XYLT1: variants seen among roughly 807,000 people sequenced by gnomAD.
XYLT1 encodes the protein xylosyltransferase 1.
Under a neutral mutation model 91.3 loss-of-function variants are expected in XYLT1, and 36 were observed. The observed-to-expected ratio is 0.39, with a 90% CI of 0.30 to 0.52. The LOEUF is 0.52. Ranked by LOEUF, XYLT1 falls within the 20% of genes least tolerant of loss-of-function variation. The pLI, the probability that XYLT1 is intolerant of heterozygous loss-of-function variation, is 0.68. For synonymous variants in XYLT1, 588 were observed against 532.0 expected (o/e 1.11, Z -1.45); for missense variants, 1,242 against 1,284.5 (o/e 0.97, Z 0.51).
At chr16:17,461,081 C>T (rs778721003) in intron 1 of XYLT1, among the ~76,000 whole-genome samples, 5 of 152,220 alleles carry the variant, frequency 3.3e-5, no homozygotes, top group African/African-American at 7.2e-5. Flanking sequence ...CAACATCACA[C>T]GACCTGCCTC....
At chr16:17,169,456 C>T (rs1483675469) in intron 5 of XYLT1, among the ~76,000 whole-genome samples, 2 of 152,178 alleles carry the variant, frequency 1.3e-5, no homozygotes, top group Admixed American at 6.5e-5. Context: ...GTAAGAAACA[C>T]ATTTTTCATT....
At chr16:17,395,289 C>T (rs1339154533) in intron 1 of XYLT1, among the ~76,000 whole-genome samples, 2 of 152,098 alleles carry the variant, frequency 1.3e-5, no homozygotes, top group Admixed American at 1.3e-4. Context: ...GATTACAATT[C>T]GAGATGAGAG....
intron 10 of XYLT1, among the ~76,000 whole-genome samples, chr16:17,124,803 TTTTG>T (rs1159433359): frequency 2.0e-5 from 3 of 152,066 alleles, no homozygotes; most frequent in Non-Finnish European, 2.9e-5. Flanking sequence ...AAAAATTCTT[TTTTG>T]TGTTTGTTGG....
intron 11 of XYLT1, among the ~76,000 whole-genome samples, chr16:17,112,213 C>T (rs1286150148): frequency 6.6e-6 from 1 of 152,226 alleles, no homozygotes; most frequent in Non-Finnish European, 1.5e-5. Flanking sequence ...AAATTTTCCT[C>T]AATTCCACCT....
intron 3 of XYLT1, among the ~76,000 whole-genome samples, chr16:17,213,427 C>A (rs1228097798): frequency 6.6e-6 from 1 of 152,156 alleles, no homozygotes; most frequent in East Asian, 1.9e-4. Flanking sequence ...CTCATTTACT[C>A]CTCACAGCAG....
intron 5 of XYLT1, among the ~76,000 whole-genome samples, chr16:17,179,847 A>C (rs2032027118): frequency 6.6e-6 from 1 of 152,252 alleles, no homozygotes; most frequent in South Asian, 2.1e-4. Context: ...CTATGTGTTA[A>C]TATAGATAAA....
intron 1 of XYLT1, among the ~76,000 whole-genome samples, chr16:17,467,416 T>G (rs140461860): frequency 3.0e-4 from 46 of 152,310 alleles, no homozygotes; most frequent in African/African-American, 1.0e-3. Context: ...GTCCATCTGT[T>G]TCTTAAATTC....
At chr16:17,463,908 T>G (rs900305067) in intron 1 of XYLT1, among the ~76,000 whole-genome samples, 2 of 152,214 alleles carry the variant, frequency 1.3e-5, no homozygotes, top group Non-Finnish European at 2.9e-5. Context: ...AGCCAGCTGT[T>G]AAAAAGTGAA....
rs1026975011 is a variant in XYLT1, at chr16:17,347,417, G to T, written c.402+10595C>A. On this transcript the variant is annotated intron_variant, in intron 2 of 11. Transcript: ENST00000261381. ...TGAATGAATGAGAATACTCCAAGCTGACCCTGCCTGGGGCATCTCTTCTCA... is the reference window on the plus strand; with the variant it reads ...TGAATGAATGAGAATACTCCAAGCTTACCCTGCCTGGGGCATCTCTTCTCA... Among the ~76,000 whole-genome samples the T allele has an allele frequency of 1.1e-4, 17 of 152,302 alleles. No homozygotes were observed. The East Asian group carries it at 3.3e-3, about 29-fold the overall frequency.
intron 1 of XYLT1, among the ~76,000 whole-genome samples, chr16:17,398,894 G>T (rs1324157440): frequency 7.1e-6 from 1 of 140,182 alleles, no homozygotes; most frequent in Non-Finnish European, 1.5e-5. Flanking sequence ...ACCCAGGCTG[G>T]AGTGCAGTGG....
chr16:17,109,346 AT>A (rs1966822719), intron 11 of XYLT1, among the ~76,000 whole-genome samples: 2 of 152,166 alleles, frequency 1.3e-5, no homozygotes. Context: ...GTCAACACAT[AT>A]TTACTAAACA....
intron 2 of XYLT1, among the ~76,000 whole-genome samples, chr16:17,263,399 G>A (rs1222055208): frequency 2.7e-4 from 41 of 152,090 alleles, no homozygotes. Context: ...ATTAATACCC[G>A]CTCTCTACTC....
At chr16:17,251,911 G>A (rs926563713) in intron 3 of XYLT1, among the ~76,000 whole-genome samples, 1 of 152,080 alleles carries the variant, frequency 6.6e-6, no homozygotes, top group African/African-American at 2.4e-5. Context: ...AGCCAAAGTG[G>A]GGTGAGTGGG....
At chr16:17,362,628 C>T (rs2035399486) in intron 1 of XYLT1, among the ~76,000 whole-genome samples, 1 of 152,164 alleles carries the variant, frequency 6.6e-6, no homozygotes, top group South Asian at 2.1e-4. Flanking sequence ...CAATTAAGCC[C>T]CAACAAAGAA....
Position 17,117,833 on chromosome 16 carries a change from G to A in XYLT1, c.2370C>T (p.Val790=). 6.2e-7 allele frequency: 1 copy of A among 1,614,132 alleles called. No homozygotes were observed. The highest frequency in any genetic ancestry group is 8.5e-7 in the Non-Finnish European group (1 of 1,180,020). Residue 790 remains valine, a synonymous_variant, in exon 11 of 12, where the codon GTC becomes GTT. Coordinates refer to ENST00000261381, the MANE Select transcript of XYLT1 (RefSeq NM_022166.4). Reference sequence around the variant, plus strand: ...TGAGGATGTCGTAGGTGGCTGCGATGACATTGACGGGATCCACCCAAATGA... The same window carrying A: ...TGAGGATGTCGTAGGTGGCTGCGATAACATTGACGGGATCCACCCAAATGA... The part of the protein sequence containing the change: ...VTVIWVDPVN[V]IAATYDILIE...
chr16:17,423,866 G>A (rs948939237), intron 1 of XYLT1, among the ~76,000 whole-genome samples: 3 of 152,002 alleles, frequency 2.0e-5, no homozygotes, highest in Non-Finnish European at 2.9e-5. Flanking sequence ...TCCCTGCCTC[G>A]GCCTCCCAAA....
intron 1 of XYLT1, among the ~76,000 whole-genome samples, chr16:17,420,097 C>CTTAGA (rs1251153950): frequency 6.6e-4 from 101 of 152,310 alleles, no homozygotes; most frequent in Middle Eastern, 3.4e-3. Flanking sequence ...TTTGTAGGAT[C>CTTAGA]AAGCCTTTCA....
intron 3 of XYLT1, among the ~76,000 whole-genome samples, chr16:17,206,830 A>C (rs1368755165): frequency 6.6e-6 from 1 of 152,170 alleles, no homozygotes; most frequent in African/African-American, 2.4e-5. Flanking sequence ...AGGTCTCAGG[A>C]GGCAGGTGCC....
chr16:17,258,841 A>G, intron 3 of XYLT1, 147 bp downstream of exon 3: 1 of 1,038,500 alleles, frequency 9.6e-7, no homozygotes, highest in Non-Finnish European at 1.3e-6. Context: ...GGAGTACTAG[A>G]ACACATCAGA....
Sources: gnomAD v4.1 joint callset for allele counts (sites outside exome capture counted in the v4.1 genomes callset) on GRCh38, gnomAD v4.1.1 for gene constraint, MANE v1.5 for transcripts, NCBI Gene and HGNC (gene_info 2026-07-23, HGNC 2026-07-21) for gene names.